Variants in TLR4 observed in about 807,000 individuals in gnomAD.
TLR4 encodes the protein toll like receptor 4.
Under a neutral mutation model 27.4 loss-of-function variants are expected in TLR4, and 17 were observed. The observed-to-expected ratio is 0.62, with a 90% CI of 0.42 to 0.93. The LOEUF is 0.93. Ranked by LOEUF, TLR4 falls within the 40% of genes least tolerant of loss-of-function variation. The probability of loss-of-function intolerance (pLI) is 0.00; values close to 1 mark genes in which losing one functional copy is unlikely to be tolerated. For synonymous variants in TLR4, 363 were observed against 365.7 expected (o/e 0.99, Z 0.08); for missense variants, 926 against 962.3 (o/e 0.96, Z 0.50).
rs1339706899 is a variant in TLR4 at position 117,712,513 on chromosome 9, C to T, written c.385C>T (p.Gln129Ter). ...LGAFSGLSSLQKLVAVETNLA... is the reference protein window; with the variant it reads ...LGAFSGLSSL ...AGCCTTTTCTGGACTATCAAGTTTA[C>T]AGAAGCTGGTGGCTGTGGAGACAAA... The change falls in exon 3 of 3, where the codon CAG becomes TAG. Residue 129 changes from glutamine to a stop codon, truncating the protein, a stop_gained. Coordinates refer to ENST00000355622, the MANE Select transcript of TLR4 (RefSeq NM_138554.5). LOFTEE classifies it low-confidence loss of function (END_TRUNC). The T allele has an allele frequency of 1.2e-6, 2 of 1,613,962 alleles. No individual in the cohort carries two copies. The highest frequency in any genetic ancestry group is 2.2e-5 in the East Asian group (1 of 44,840).
chr9:117,708,706 A>T lies in TLR4; in HGVS notation c.237A>T (p.Glu79Asp). The T allele has an allele frequency of 6.2e-7, 1 of 1,613,846 alleles. No homozygotes were observed. Reference sequence around the variant, plus strand: ...GCTATAGCTTCTTCAGTTTCCCAGAACTGCAGGTGCTGGATTTATCCAGGT... The same window carrying T: ...GCTATAGCTTCTTCAGTTTCCCAGATCTGCAGGTGCTGGATTTATCCAGGT... Reference protein sequence around the residue: ...LGSYSFFSFPELQVLDLSRCE... With the variant: ...LGSYSFFSFPDLQVLDLSRCE... Residue 79 changes from glutamate (E) to aspartate (D), a missense_variant, in exon 2 of 3, where the codon GAA (glutamate) becomes GAT (aspartate). Coordinates refer to ENST00000355622, the MANE Select transcript of TLR4 (RefSeq NM_138554.5).
In TLR4 at chr9:117,717,099, G is replaced by A. The variant is rs769807026; in HGVS notation, c.*2451G>A. On this transcript the variant is annotated 3_prime_UTR_variant, in exon 3 of 3. Coordinates refer to ENST00000355622, the MANE Select transcript of TLR4 (RefSeq NM_138554.5). ...ATCCCTATGTATCCCTATCAGGGCT[G>A]TGTGTATTTGAAAGTGTGTGTGTCC... The A allele has an allele frequency of 6.6e-6, 1 of 152,140 alleles. No homozygotes were observed. The highest frequency in any genetic ancestry group is 1.5e-5 in the Non-Finnish European group (1 of 68,028). 9.4% of individuals were successfully genotyped at this position (152,140 alleles called of 1,614,324 possible). A position where few individuals can be genotyped will look rare whatever the true frequency, so the allele number is the denominator to read the frequency against.
At chr9:117,707,507 T>C (rs1410668755) in intron 1 of TLR4, among the ~76,000 whole-genome samples, 2 of 152,226 alleles carry the variant, frequency 1.3e-5, no homozygotes, top group Non-Finnish European at 1.5e-5. Context: ...CCTTCAAACA[T>C]TCTATTGGTT....
intron 1 of TLR4, among the ~76,000 whole-genome samples, 188 bp downstream of exon 1, chr9:117,704,753 C>A (rs1829108177): frequency 6.6e-6 from 1 of 151,878 alleles, no homozygotes; most frequent in South Asian, 2.1e-4. Flanking sequence ...GGGGTTTGTT[C>A]CATTTGGAAA....
Position 117,719,618 on chromosome 9 carries a change from T to C in TLR4, c.*4970T>C, listed in dbSNP as rs919320480. The stretch of plus-strand genomic sequence containing the variant: ...TTAACAGTGAACAAATCAGGCCCAC[T>C]AGATGATGGCCTTTCTTTGAACAAC... On this transcript the variant is annotated 3_prime_UTR_variant, in exon 3 of 3. Transcript: ENST00000355622. 1.2e-4 allele frequency: 19 copies of C among 152,142 alleles called. No individual in the cohort carries two copies. Among genetic ancestry groups the C allele is most frequent in the Non-Finnish European group, 2.6e-4 (18 of 68,018 alleles). 9.4% of individuals were successfully genotyped at this position (152,142 alleles called of 1,614,324 possible). A position where few individuals can be genotyped will look rare whatever the true frequency, so the allele number is the denominator to read the frequency against.
At position 117,704,440 on chromosome 9, in the gene TLR4, G is replaced by A. The variant is rs201532243; in HGVS notation, c.-33G>A. 10 of 1,600,504 alleles carry A rather than the reference G, an allele frequency of 6.2e-6. No homozygotes were observed. The highest frequency in any genetic ancestry group is 8.5e-6 in the Non-Finnish European group (10 of 1,172,156). ...CGAGCCACGCATTCACAGGGCCACT[G>A]CTGCTCACAGAAGCAGTGAGGATGA... On this transcript the variant is annotated 5_prime_UTR_variant, in exon 1 of 3. Coordinates refer to ENST00000355622, the MANE Select transcript of TLR4 (RefSeq NM_138554.5).
rs185243592 is a variant in TLR4, at chr9:117,719,888, C to T, written c.*5240C>T. On this transcript the variant is annotated 3_prime_UTR_variant, in exon 3 of 3. Coordinates refer to ENST00000355622, the MANE Select transcript of TLR4 (RefSeq NM_138554.5). ...AACTATATTGAGCACCATGCGTGAT[C>T]ATCTGATCGTTACTGCTACCTTGTG... The T allele has an allele frequency of 1.3e-5, 2 of 152,280 alleles. No homozygotes were observed. The highest frequency in any genetic ancestry group is 3.9e-4 in the East Asian group (2 of 5,174). 9.4% of individuals were successfully genotyped at this position (152,280 alleles called of 1,614,324 possible).
chr9:117,724,728 C>A lies in TLR4; in HGVS notation c.*10080C>A, dbSNP rs1468293558. On this transcript the variant is annotated 3_prime_UTR_variant, in exon 3 of 3. Transcript: ENST00000355622. Reference sequence around the variant, plus strand: ...AAATAAAGTTCTCACTTTCTTTTTTCTCCTTGAGAGTGTTCTTTATTTTAC... The same window carrying A: ...AAATAAAGTTCTCACTTTCTTTTTTATCCTTGAGAGTGTTCTTTATTTTAC... 6.6e-6 allele frequency: 1 copy of A among 151,904 alleles called. No individual in the cohort carries two copies. The highest frequency in any genetic ancestry group is 2.4e-5 in the African/African-American group (1 of 41,348). 9.4% of individuals were successfully genotyped at this position (151,904 alleles called of 1,614,324 possible). A position where few individuals can be genotyped will look rare whatever the true frequency, so the allele number is the denominator to read the frequency against.
chr9:117,708,418 A>T, intron 1 of TLR4, 145 bp from the exon 2 acceptor site: 1 of 1,535,782 alleles, frequency 6.5e-7, no homozygotes. Flanking sequence ...GGATATATGG[A>T]TGGAAGGATG....
chr9:117,724,248 G>A lies in TLR4; in HGVS notation c.*9600G>A, dbSNP rs1829454374. 6.6e-6 allele frequency: 1 copy of A among 152,332 alleles called. No individual in the cohort carries two copies. Among genetic ancestry groups the A allele is most frequent in the Admixed American group, 6.5e-5 (1 of 15,280 alleles). The allele number at this position is 152,332 out of a possible 1,614,324, so 9.4% of individuals were successfully genotyped here. A position where few individuals can be genotyped will look rare whatever the true frequency, so the allele number is the denominator to read the frequency against. On this transcript the variant is annotated 3_prime_UTR_variant, in exon 3 of 3. Transcript: ENST00000355622. ...TCCTCCTTGCCTGCTGCAGGCCCTTGTCTCTGCCCTTTACTTTTTCTGGCT... is the reference window on the plus strand; with the variant it reads ...TCCTCCTTGCCTGCTGCAGGCCCTTATCTCTGCCCTTTACTTTTTCTGGCT...
intron 2 of TLR4, among the ~76,000 whole-genome samples, chr9:117,709,491 G>A (rs900052061): frequency 2.6e-5 from 4 of 152,080 alleles, no homozygotes; most frequent in Non-Finnish European, 4.4e-5. Flanking sequence ...CTTTTCTGAT[G>A]CAGGGAAGTA....
At chr9:117,705,678 C>G (rs1457875857) in intron 1 of TLR4, among the ~76,000 whole-genome samples, 4 of 152,198 alleles carry the variant, frequency 2.6e-5, no homozygotes, top group African/African-American at 9.7e-5. Context: ...TTGACTCTTA[C>G]ACACTAACTG....
At chr9:117,708,278 T>C (rs1829169889) in intron 1 of TLR4, 2 of 1,201,754 alleles carry the variant, frequency 1.7e-6, no homozygotes, top group South Asian at 3.8e-5. Context: ...TTCACCCCGA[T>C]TCCATTGCTT....
In TLR4 at chr9:117,717,668, TGTAA is replaced by T. The variant is rs1829374638; in HGVS notation, c.*3023_*3026del. ...TGATTTTGTGTATATCCGTGCTACA[TGTAA>T]GTGTGGTTCTATTCATATTTGAATA... On this transcript the variant is annotated 3_prime_UTR_variant, in exon 3 of 3. Coordinates refer to ENST00000355622, the MANE Select transcript of TLR4 (RefSeq NM_138554.5). The T allele has an allele frequency of 6.6e-6, 1 of 152,128 alleles. No homozygotes were observed. Among genetic ancestry groups the T allele is most frequent in the African/African-American group, 2.4e-5 (1 of 41,440 alleles). The allele number at this position is 152,128 out of a possible 1,614,324, so 9.4% of individuals were successfully genotyped here.
rs2131182567 is a variant in TLR4 at position 117,723,553 on chromosome 9, A to G, written c.*8905A>G. On this transcript the variant is annotated 3_prime_UTR_variant, in exon 3 of 3. Coordinates refer to ENST00000355622, the MANE Select transcript of TLR4 (RefSeq NM_138554.5). ...TGAAATGAGACAGAGCCTCCAATAA[A>G]ATTTAGGGAAGTGCTACATAAATGC... is the stretch of plus-strand genomic sequence containing the variant. 6.6e-6 allele frequency: 1 copy of G among 152,232 alleles called. No homozygotes were observed. Among genetic ancestry groups the G allele is most frequent in the Admixed American group, 6.5e-5 (1 of 15,288 alleles). 9.4% of individuals were successfully genotyped at this position (152,232 alleles called of 1,614,324 possible). A position where few individuals can be genotyped will look rare whatever the true frequency, so the allele number is the denominator to read the frequency against.
rs1829252410 is a variant in TLR4, at chr9:117,712,595, A to G, written c.467A>G (p.Asn156Ser). The G allele has an allele frequency of 6.2e-7, 1 of 1,614,000 alleles. No individual in the cohort carries two copies. Among genetic ancestry groups the G allele is most frequent in the Middle Eastern group, 1.7e-4 (1 of 6,060 alleles). The part of the protein sequence containing the change: ...IGHLKTLKEL[N>S]VAHNLIQSFK... ...CATCTCAAAACTTTGAAAGAACTTA[A>G]TGTGGCTCACAATCTTATCCAATCT... Residue 156 changes from asparagine (N) to serine (S), a missense_variant, in exon 3 of 3, where the codon AAT (asparagine) becomes AGT (serine). Physicochemically the swap from Asn to Ser is conservative, Grantham distance 46 (BLOSUM62 1). Coordinates refer to ENST00000355622, the MANE Select transcript of TLR4 (RefSeq NM_138554.5).
In TLR4 at chr9:117,722,555, A is replaced by G. The variant is rs1829434670; in HGVS notation, c.*7907A>G. On this transcript the variant is annotated 3_prime_UTR_variant, in exon 3 of 3. Transcript: ENST00000355622. ...GCCTTCTGAGTCCTCTCTACACATCATCTTTGGCTGAATTAGCTGTGGTTT... is the reference window on the plus strand; with the variant it reads ...GCCTTCTGAGTCCTCTCTACACATCGTCTTTGGCTGAATTAGCTGTGGTTT... The G allele has an allele frequency of 1.3e-5, 2 of 152,164 alleles. No homozygotes were observed. The highest frequency in any genetic ancestry group is 2.9e-5 in the Non-Finnish European group (2 of 68,052). 9.4% of individuals were successfully genotyped at this position (152,164 alleles called of 1,614,324 possible).
Position 117,704,420 on chromosome 9 carries a change from C to T in TLR4, c.-53C>T. On this transcript the variant is annotated 5_prime_UTR_variant, in exon 1 of 3. Coordinates refer to ENST00000355622, the MANE Select transcript of TLR4 (RefSeq NM_138554.5). ...GCTCGGTCAGACGGTGATAGCGAGC[C>T]ACGCATTCACAGGGCCACTGCTGCT... 2 of 1,543,866 alleles carry T rather than the reference C, an allele frequency of 1.3e-6. No homozygotes were observed. Among genetic ancestry groups the T allele is most frequent in the Non-Finnish European group, 1.8e-6 (2 of 1,123,808 alleles).
chr9:117,709,376 A>G (rs570688636), intron 2 of TLR4, among the ~76,000 whole-genome samples: 6 of 152,286 alleles, frequency 3.9e-5, no homozygotes, highest in African/African-American at 1.4e-4. Flanking sequence ...TATTAAAACT[A>G]GTGTACAGGA....
Sources: allele counts gnomAD v4.1 joint callset (sites outside exome capture counted in the v4.1 genomes callset), GRCh38; gene constraint gnomAD v4.1.1; transcripts MANE v1.5; gene names NCBI Gene and HGNC (gene_info 2026-07-23, HGNC 2026-07-21).